AADACL3: variants seen among roughly 807,000 people sequenced by gnomAD.
AADACL3 encodes arylacetamide deacetylase-like 3.
A neutral mutation model predicts 13.6 loss-of-function variants in AADACL3; 13 were observed. That is an observed-to-expected ratio of 0.95 (90% CI 0.62 to 1.52). AADACL3 has a LOEUF of 1.52. AADACL3 is among the 40% of genes most tolerant of loss of function. AADACL3 has a pLI of 0.00. For synonymous variants in AADACL3, 195 were observed against 197.0 expected (o/e 0.99, Z 0.08); for missense variants, 519 against 499.2 (o/e 1.04, Z -0.38).
At chr1:12,720,726 G>A (rs3010880) in intron 2 of AADACL3, among the ~76,000 whole-genome samples, 157 bp from the exon 3 acceptor site, 2,650 of 152,246 alleles carry the variant, frequency 0.017, 71 homozygotes, top group African/African-American at 0.06. Flanking sequence ...GCAGTACCAC[G>A]AAGGAGAATC....
chr1:12,723,172 T>C (rs1433598342), intron 3 of AADACL3, among the ~76,000 whole-genome samples: 1 of 152,102 alleles, frequency 6.6e-6, no homozygotes, highest in African/African-American at 2.4e-5. Context: ...ATGCCTGCCC[T>C]AACCTTCTAA....
At chr1:12,717,470 C>CGAGG (rs1648463360) in intron 1 of AADACL3, among the ~76,000 whole-genome samples, 1 of 152,174 alleles carries the variant, frequency 6.6e-6, no homozygotes, top group Non-Finnish European at 1.5e-5. Flanking sequence ...ACAGAGGGAG[C>CGAGG]CCTCCTTAAA....
Position 12,726,041 on chromosome 1 carries a change from A to G in AADACL3, c.*45A>G, listed in dbSNP as rs1445035394. 1.3e-6 allele frequency: 2 copies of G among 1,559,940 alleles called. No individual in the cohort carries two copies. The highest frequency in any genetic ancestry group is 2.7e-5 in the African/African-American group (2 of 73,524). The stretch of plus-strand genomic sequence containing the variant: ...GTACTGCGGTGTGGATTCCACTGGC[A>G]TCCAGCCTCCCACAGGGCTCTCTGT... On this transcript the variant is annotated 3_prime_UTR_variant, in exon 4 of 4. Transcript: ENST00000359318.
At chr1:12,719,797 G>C in intron 2 of AADACL3, 106 bp downstream of exon 2, 5 of 1,181,564 alleles carry the variant, frequency 4.2e-6, no homozygotes, top group Non-Finnish European at 6.1e-6. Flanking sequence ...TATTATCAGG[G>C]AACACCAGGG....
intron 3 of AADACL3, 141 bp from the exon 4 acceptor site, chr1:12,725,081 C>A: frequency 1.1e-6 from 1 of 870,054 alleles, no homozygotes; most frequent in Non-Finnish European, 1.8e-6. Flanking sequence ...TGTCTCATCT[C>A]ATTTAAGCCT....
In AADACL3 at chr1:12,719,808, C is replaced by A. The variant is rs1292309727; in HGVS notation, c.385+117C>A. The stretch of plus-strand genomic sequence containing the variant: ...CTATTATTATCAGGGAACACCAGGG[C>A]AGTTCATGGTTTGCAGATCATTGAG... On this transcript the variant is annotated intron_variant, in intron 2 of 3. Transcript: ENST00000359318. The A allele has an allele frequency of 1.1e-5, 12 of 1,093,872 alleles. No homozygotes were observed. The Admixed American group carries it at 1.8e-4, about 17-fold the overall frequency. 67.8% of individuals were successfully genotyped at this position (1,093,872 alleles called of 1,614,324 possible).
In AADACL3 at chr1:12,717,480, A is replaced by G. The variant is rs528215396; in HGVS notation, c.168+1136A>G. On this transcript the variant is annotated intron_variant, in intron 1 of 3. Transcript: ENST00000359318. ...CTGACACAGAGGGAGCCCTCCTTAA[A>G]TAGTAGCCATTGTTACTCTTTGTTG... 5.9e-5 allele frequency among the ~76,000 whole-genome samples: 9 copies of G among 152,340 alleles called. No individual in the cohort carries two copies. The East Asian group carries it at 1.7e-3, about 29-fold the overall frequency.
At chr1:12,718,018 A>G (rs1648476842) in intron 1 of AADACL3, among the ~76,000 whole-genome samples, 1 of 152,154 alleles carries the variant, frequency 6.6e-6, no homozygotes, top group Non-Finnish European at 1.5e-5. Context: ...AATCAGACAT[A>G]TTTGCATTGC....
At chr1:12,721,299 G>A (rs559661855) in intron 3 of AADACL3, among the ~76,000 whole-genome samples, 8 of 152,280 alleles carry the variant, frequency 5.3e-5, no homozygotes, top group East Asian at 1.9e-4. Context: ...CTACTTGGGA[G>A]GCCGAGGAGG....
At position 12,725,304 on chromosome 1, in the gene AADACL3, G is replaced by T. The variant is rs754067265; in HGVS notation, c.532G>T (p.Asp178Tyr). Residue 178 changes from aspartate (D) to tyrosine (Y), a missense_variant, in exon 4 of 4, where the codon GAT becomes TAT. Coordinates refer to ENST00000359318, the MANE Select transcript of AADACL3 (RefSeq NM_001103170.3). ...CACCATCCACTTCCTGAAGTCCCTG[G>T]ATGCATATGGAGTGGATCCAGCCCG... ...VATIHFLKSL[D>Y]AYGVDPARVV... The T allele has an allele frequency of 9.9e-6, 16 of 1,614,144 alleles. No homozygotes were observed. The highest frequency in any genetic ancestry group is 5.5e-5 in the South Asian group (5 of 91,070).
chr1:12,719,978 T>G (rs2100209830), intron 2 of AADACL3, among the ~76,000 whole-genome samples: 1 of 152,362 alleles, frequency 6.6e-6, no homozygotes, highest in South Asian at 2.1e-4. Flanking sequence ...TGCATTTATA[T>G]GTGTACATAT....
chr1:12,719,788 A>G (rs1648528925), intron 2 of AADACL3, 97 bp downstream of exon 2: 6 of 1,266,688 alleles, frequency 4.7e-6, no homozygotes, highest in Non-Finnish European at 6.7e-6. Context: ...GTATGCTATT[A>G]TTATCAGGGA....
rs188119044 is a variant in AADACL3, at chr1:12,728,629, T to C, written c.*2633T>C. 7 of 152,420 alleles carry C rather than the reference T, an allele frequency of 4.6e-5. No individual in the cohort carries two copies. Among genetic ancestry groups the C allele is most frequent in the Non-Finnish European group, 2.9e-5 (2 of 68,040 alleles). 9.4% of individuals were successfully genotyped at this position (152,420 alleles called of 1,614,324 possible). A position where few individuals can be genotyped will look rare whatever the true frequency, so the allele number is the denominator to read the frequency against. ...TCCAAAGATGTGTATGTTACATTCA[T>C]GGGAATGTCTAAATTGTCGTAATCT... On this transcript the variant is annotated 3_prime_UTR_variant, in exon 4 of 4. Coordinates refer to ENST00000359318, the MANE Select transcript of AADACL3 (RefSeq NM_001103170.3).
At chr1:12,718,902 C>A (rs1421597519) in intron 1 of AADACL3, among the ~76,000 whole-genome samples, 2 of 152,154 alleles carry the variant, frequency 1.3e-5, no homozygotes, top group Non-Finnish European at 2.9e-5. Flanking sequence ...TCTCCCTTCC[C>A]TGTGTCCCTA....
At position 12,727,545 on chromosome 1, in the gene AADACL3, G is replaced by C. The variant is rs1368463664; in HGVS notation, c.*1549G>C. ...TTGGTCTTCTGGAGGCTCTGATCTT[G>C]GTTGGTTAGTGGTCTTTACAGGCCA... On this transcript the variant is annotated 3_prime_UTR_variant, in exon 4 of 4. Coordinates refer to ENST00000359318, the MANE Select transcript of AADACL3 (RefSeq NM_001103170.3). 2 of 152,220 alleles carry C rather than the reference G, an allele frequency of 1.3e-5. No homozygotes were observed. The highest frequency in any genetic ancestry group is 2.9e-5 in the Non-Finnish European group (2 of 68,056). The allele number at this position is 152,220 out of a possible 1,614,324, so 9.4% of individuals were successfully genotyped here.
rs759754328 is a variant in AADACL3, at chr1:12,725,309, A to C, written c.537A>C (p.Ala179=). 3.7e-6 allele frequency: 6 copies of C among 1,614,104 alleles called. No individual in the cohort carries two copies. Among genetic ancestry groups the C allele is most frequent in the Non-Finnish European group, 5.1e-6 (6 of 1,180,004 alleles). The change falls in exon 4 of 4, where the codon GCA becomes GCC. Residue 179 remains alanine (A), a synonymous_variant. Coordinates refer to ENST00000359318, the MANE Select transcript of AADACL3 (RefSeq NM_001103170.3). The part of the protein sequence containing the change: ...ATIHFLKSLD[A]YGVDPARVVV... ...TCCACTTCCTGAAGTCCCTGGATGC[A>C]TATGGAGTGGATCCAGCCCGGGTTG...
chr1:12,716,964 G>A (rs1415318659), intron 1 of AADACL3, among the ~76,000 whole-genome samples: 1 of 152,168 alleles, frequency 6.6e-6, no homozygotes. Context: ...CTAGAAAGCT[G>A]CCTAGGGAAT....
At chr1:12,718,554 T>C (rs1648491913) in intron 1 of AADACL3, among the ~76,000 whole-genome samples, 1 of 152,024 alleles carries the variant, frequency 6.6e-6, no homozygotes, top group Non-Finnish European at 1.5e-5. Context: ...TGGAGTGCAA[T>C]GGCATGATCT....
chr1:12,719,647 G>C lies in AADACL3; in HGVS notation c.341G>C (p.Gly114Ala). 1.2e-6 allele frequency: 2 copies of C among 1,614,172 alleles called. No homozygotes were observed. Among genetic ancestry groups the C allele is most frequent in the Non-Finnish European group, 1.7e-6 (2 of 1,180,028 alleles). ...GCATCCACCTGCACCCTGAAGCCTG[G>C]CATCGTGTACTACCACGGTGGCGGG... ...PKASTCTLKP[G>A]IVYYHGGGGV... is the part of the protein sequence containing the mutation. Residue 114 changes from glycine (G) to alanine (A), a missense_variant, in exon 2 of 4, where the codon GGC becomes GCC. By Grantham distance (60) the Gly-to-Ala change is moderately conservative. Transcript: ENST00000359318.
Sources: allele counts gnomAD v4.1 joint callset (sites outside exome capture counted in the v4.1 genomes callset), GRCh38; gene constraint gnomAD v4.1.1; transcripts MANE v1.5; gene names NCBI Gene and HGNC (gene_info 2026-07-23, HGNC 2026-07-21).